Variants in LHFPL1 observed in about 807,000 individuals in gnomAD.
LHFPL1 encodes LHFPL tetraspan subfamily member 1, also known as LHFPL tetraspan subfamily member 1 protein.
A neutral mutation model predicts 12.1 loss-of-function variants in LHFPL1; 4 were observed. The ratio of observed to expected loss-of-function variants is 0.33; its 90% CI spans 0.16 to 0.76. The LOEUF (loss-of-function observed/expected upper bound fraction) is 0.76. Ranked by LOEUF, LHFPL1 falls within the 30% of genes least tolerant of loss-of-function variation. The pLI is 0.61. For synonymous variants in LHFPL1, 52 were observed against 61.9 expected (o/e 0.84, Z 0.75); for missense variants, 141 against 174.1 (o/e 0.81, Z 1.07).
At chrX:112,637,910 C>G (rs1477868266) in intron 3 of LHFPL1, among the ~76,000 whole-genome samples, 1 of 111,810 alleles carries the variant, frequency 8.9e-6, no homozygotes, top group African/African-American at 3.3e-5. Context: ...AACAAGCATG[C>G]TAGGACCCCG....
chrX:112,673,249 G>A (rs747911954), intron 1 of LHFPL1, among the ~76,000 whole-genome samples: 1 of 111,704 alleles, frequency 9.0e-6, no homozygotes, highest in Non-Finnish European at 1.9e-5. Context: ...TAAATTGCAG[G>A]TGCTTACTCT....
chrX:112,658,657 T>C (rs1412969533), intron 3 of LHFPL1, among the ~76,000 whole-genome samples: 4 of 110,788 alleles, frequency 3.6e-5, no homozygotes, highest in Non-Finnish European at 7.6e-5. Flanking sequence ...GTTGAGAAAA[T>C]TGAAACCATT....
At chrX:112,644,627 C>T (rs562197721) in intron 3 of LHFPL1, among the ~76,000 whole-genome samples, 2 of 111,134 alleles carry the variant, frequency 1.8e-5, no homozygotes, top group East Asian at 5.7e-4. Flanking sequence ...GAGTACTTAT[C>T]GATCTAGTCC....
intron 3 of LHFPL1, among the ~76,000 whole-genome samples, chrX:112,636,180 C>T (rs180904134): frequency 9.0e-6 from 1 of 111,005 alleles, no homozygotes; most frequent in East Asian, 2.8e-4. Flanking sequence ...CAGATGTCCC[C>T]CGGTATGAGG....
chrX:112,666,926 T>A (rs12558104), intron 2 of LHFPL1, among the ~76,000 whole-genome samples: 7 of 111,009 alleles, frequency 6.3e-5, no homozygotes, highest in Admixed American at 5.7e-4. Flanking sequence ...GGACTGAGAG[T>A]CAGGAGCACT....
At chrX:112,645,334 T>C (rs1040856685) in intron 3 of LHFPL1, among the ~76,000 whole-genome samples, 2 of 112,089 alleles carry the variant, frequency 1.8e-5, no homozygotes, top group Non-Finnish European at 3.8e-5. Flanking sequence ...TTAGCCTTCA[T>C]GCTGCATATA....
intron 3 of LHFPL1, among the ~76,000 whole-genome samples, chrX:112,643,555 T>C (rs1339760071): frequency 1.8e-5 from 2 of 110,233 alleles, no homozygotes; most frequent in African/African-American, 6.6e-5. Context: ...TCAGATCTTG[T>C]GAGACTCGCT....
chrX:112,669,684 C>T (rs1030710846), intron 2 of LHFPL1, among the ~76,000 whole-genome samples: 3 of 112,113 alleles, frequency 2.7e-5, no homozygotes, highest in East Asian at 2.8e-4. Context: ...TGGCTGGATA[C>T]CTCTTTGTTG....
In LHFPL1 at chrX:112,641,056, A is replaced by C. The variant is rs181036625; in HGVS notation, c.482-9455T>G. Among the ~76,000 whole-genome samples, 775 of 111,603 alleles carry C rather than the reference A, an allele frequency of 6.9e-3. 4 individuals are homozygous for C. The highest frequency in any genetic ancestry group is 0.024 in the African/African-American group (733 of 30,646). On this transcript the variant is annotated intron_variant, in intron 3 of 3. Transcript: ENST00000371968. ...GAGCTGATTTACCTCAGGACTCAGA[A>C]GTGCATGTTCCCTCATTCTAGCCAT...
At chrX:112,661,024 G>A (rs1268703412) in intron 2 of LHFPL1, among the ~76,000 whole-genome samples, 2 of 112,100 alleles carry the variant, frequency 1.8e-5, no homozygotes, top group Non-Finnish European at 3.8e-5. Context: ...TTACAAGGCT[G>A]GGTTGGCTTT....
intron 2 of LHFPL1, among the ~76,000 whole-genome samples, chrX:112,667,454 G>A (rs1931368191): frequency 8.9e-6 from 1 of 112,170 alleles, no homozygotes. Context: ...CACCCCAGGT[G>A]ATTCTGATAC....
intron 3 of LHFPL1, among the ~76,000 whole-genome samples, chrX:112,634,920 T>A (rs748313027): frequency 1.1e-5 from 1 of 91,893 alleles, no homozygotes; most frequent in Non-Finnish European, 2.1e-5. Context: ...ACTCTACCTG[T>A]TATCTACCGG....
chrX:112,642,395 C>G (rs1285809178), intron 3 of LHFPL1, among the ~76,000 whole-genome samples: 1 of 102,249 alleles, frequency 9.8e-6, no homozygotes, highest in African/African-American at 3.5e-5. Context: ...TTTGTTGAGA[C>G]GGGGCTTCAC....
At chrX:112,672,909 G>T (rs965894464) in intron 1 of LHFPL1, among the ~76,000 whole-genome samples, 6 of 111,929 alleles carry the variant, frequency 5.4e-5, no homozygotes, top group Non-Finnish European at 1.1e-4. Flanking sequence ...GGAGAATTTT[G>T]CCCAGTAAAG....
chrX:112,672,230 A>G (rs1931529505), intron 1 of LHFPL1, among the ~76,000 whole-genome samples: 1 of 111,961 alleles, frequency 8.9e-6, no homozygotes, highest in African/African-American at 3.2e-5. Context: ...AAAGCTTCTC[A>G]AAGTTCTGAA....
chrX:112,674,940 C>A (rs1439273669), intron 1 of LHFPL1, among the ~76,000 whole-genome samples: 1 of 111,796 alleles, frequency 8.9e-6, no homozygotes, highest in African/African-American at 3.3e-5. Flanking sequence ...TACTGGGTAT[C>A]TGCCTAGAGA....
At chrX:112,633,533 C>A (rs192143645) in intron 3 of LHFPL1, among the ~76,000 whole-genome samples, 120 of 112,259 alleles carry the variant, frequency 1.1e-3, no homozygotes, top group Non-Finnish European at 1.9e-3. Context: ...GAAGTTTTCT[C>A]TGACCTTCCT....
At chrX:112,658,192 A>T (rs961011679) in intron 3 of LHFPL1, among the ~76,000 whole-genome samples, 7 of 110,813 alleles carry the variant, frequency 6.3e-5, no homozygotes, top group Non-Finnish European at 7.6e-5. Flanking sequence ...TTGGAAGCCG[A>T]GGCAGGCAGA....
chrX:112,633,830 C>A (rs1024187979), intron 3 of LHFPL1, among the ~76,000 whole-genome samples: 5 of 111,351 alleles, frequency 4.5e-5, no homozygotes, highest in Admixed American at 2.9e-4. Flanking sequence ...GAAAGGAGCT[C>A]AACTATCTCC....
Sources: gnomAD v4.1 joint callset for allele counts (sites outside exome capture counted in the v4.1 genomes callset) on GRCh38, gnomAD v4.1.1 for gene constraint, MANE v1.5 for transcripts, NCBI Gene and HGNC (gene_info 2026-07-23, HGNC 2026-07-21) for gene names.